Variants in SLC25A48 observed in about 807,000 individuals in gnomAD.
SLC25A48 encodes the protein solute carrier family 25 member 48, also known as CTC-321K16.1.
A neutral mutation model predicts 32.2 loss-of-function variants in SLC25A48; 29 were observed. The ratio of observed to expected loss-of-function variants is 0.90; its 90% CI spans 0.67 to 1.23. The LOEUF (loss-of-function observed/expected upper bound fraction) is 1.23, where lower values mean the gene tolerates loss of function less well. SLC25A48 is among the 50% of genes most tolerant of loss of function. The pLI, the probability that SLC25A48 is intolerant of heterozygous loss-of-function variation, is 0.00. For missense variants in SLC25A48, 399 were observed against 422.7 expected, an observed-to-expected ratio of 0.94 and a Z score of 0.49; for synonymous variants, 164 against 172.3, an observed-to-expected ratio of 0.95 and a Z score of 0.38.
At chr5:135,738,807 T>C (rs1470167196) in intron 3 of SLC25A48, among the ~76,000 whole-genome samples, 1 of 152,164 alleles carries the variant, frequency 6.6e-6, no homozygotes, top group African/African-American at 2.4e-5. Flanking sequence ...GGTGGCCAGG[T>C]GCAGTGGCTC....
chr5:135,673,778 A>G (rs1753707379), intron 3 of SLC25A48, among the ~76,000 whole-genome samples: 1 of 152,066 alleles, frequency 6.6e-6, no homozygotes, highest in African/African-American at 2.4e-5. Flanking sequence ...AATCCTTGCC[A>G]AGTCCAGTCA....
At chr5:135,810,729 C>G (rs559755235) in intron 3 of SLC25A48, among the ~76,000 whole-genome samples, 1 of 152,114 alleles carries the variant, frequency 6.6e-6, no homozygotes, top group African/African-American at 2.4e-5. Context: ...TATTCTCATT[C>G]GAGGCAGGAA....
At chr5:135,595,141 G>A (rs1205547673) in intron 1 of SLC25A48, among the ~76,000 whole-genome samples, 1 of 152,150 alleles carries the variant, frequency 6.6e-6, no homozygotes, top group Non-Finnish European at 1.5e-5. Context: ...AGGCAGGCTG[G>A]TGAACCCAGA....
intron 1 of SLC25A48, among the ~76,000 whole-genome samples, chr5:135,623,972 G>C (rs146031406): frequency 6.6e-6 from 1 of 152,182 alleles, no homozygotes. Flanking sequence ...ACAGCTCTTG[G>C]ATCTCTGTAA....
chr5:135,838,328 T>G (rs1362279110), intron 1 of SLC25A48, among the ~76,000 whole-genome samples: 1 of 152,222 alleles, frequency 6.6e-6, no homozygotes, highest in Non-Finnish European at 1.5e-5. Context: ...TGGTTTGGAA[T>G]TGGAACTTAT....
At chr5:135,745,075 G>T (rs1271685823) in intron 3 of SLC25A48, among the ~76,000 whole-genome samples, 2 of 152,158 alleles carry the variant, frequency 1.3e-5, no homozygotes, top group Admixed American at 1.3e-4. Context: ...CAGTGCTAGA[G>T]GAATTAAGAC....
At chr5:135,746,210 G>A (rs1043875445) in intron 3 of SLC25A48, 2 of 162,936 alleles carry the variant, frequency 1.2e-5, no homozygotes, top group African/African-American at 4.8e-5. Flanking sequence ...GCCTTTTCCA[G>A]GCCTGCGCCT....
intron 1 of SLC25A48, among the ~76,000 whole-genome samples, chr5:135,606,977 C>T (rs1231234264): frequency 2.0e-5 from 3 of 152,176 alleles, no homozygotes; most frequent in African/African-American, 4.8e-5. Context: ...CCTTCTTTAC[C>T]GTGTGTCCTG....
intron 1 of SLC25A48, among the ~76,000 whole-genome samples, chr5:135,835,601 AT>A (rs1328462922): frequency 1.5e-5 from 2 of 136,314 alleles, no homozygotes; most frequent in Non-Finnish European, 3.0e-5. Context: ...TTGCTTCTCC[AT>A]TTTTCTTTCC....
In SLC25A48 at chr5:135,656,679, T is replaced by A. The variant is rs992767142; in HGVS notation, c.-521+21723T>A. Among the ~76,000 whole-genome samples, 4 of 152,036 alleles carry A rather than the reference T, an allele frequency of 2.6e-5. No individual in the cohort carries two copies. In the East Asian group the frequency reaches 7.7e-4, roughly 29 times the overall value. The stretch of plus-strand genomic sequence containing the variant: ...AAATTAAGATGAGGTTATCCTGGAG[T>A]ATGGCAGGCCCTCAATTCTGGTTTC... On this transcript the variant is annotated intron_variant, in intron 3 of 10. Transcript: ENST00000646290.
intron 3 of SLC25A48, 107 bp downstream of exon 3, chr5:135,850,603 C>G (rs1390962987): frequency 6.2e-6 from 6 of 966,754 alleles, no homozygotes; most frequent in Non-Finnish European, 9.6e-6. Context: ...TCTCATCCTG[C>G]TCTTCACACT....
intron 4 of SLC25A48, among the ~76,000 whole-genome samples, chr5:135,818,458 C>A (rs1757793498): frequency 6.6e-6 from 1 of 152,128 alleles, no homozygotes; most frequent in African/African-American, 2.4e-5. Context: ...TCTTTTTATC[C>A]TAATTGCTAA....
intron 7 of SLC25A48, 23 bp from the exon 8 acceptor site, chr5:135,888,009 T>G (rs1241432216): frequency 1.3e-6 from 2 of 1,550,684 alleles, no homozygotes; most frequent in African/African-American, 2.7e-5. Flanking sequence ...CTTCTCTGAG[T>G]CTGGGTTGTT....
At chr5:135,689,627 A>T (rs1482288784) in intron 3 of SLC25A48, among the ~76,000 whole-genome samples, 1 of 152,222 alleles carries the variant, frequency 6.6e-6, no homozygotes, top group Non-Finnish European at 1.5e-5. Flanking sequence ...TGAGGATTGC[A>T]GGTGGTTCTT....
intron 6 of SLC25A48, among the ~76,000 whole-genome samples, chr5:135,874,501 T>C (rs1761899350): frequency 6.6e-6 from 1 of 152,216 alleles, no homozygotes; most frequent in African/African-American, 2.4e-5. Context: ...TCCTCACTCA[T>C]GGCTCAGTGC....
At chr5:135,786,871 A>G (rs1259716877) in intron 3 of SLC25A48, among the ~76,000 whole-genome samples, 2 of 151,430 alleles carry the variant, frequency 1.3e-5, no homozygotes, top group Non-Finnish European at 3.0e-5. Context: ...AGTCTAAGAA[A>G]ATGCTACTCT....
At chr5:135,860,184 C>A (rs1465079798) in intron 4 of SLC25A48, among the ~76,000 whole-genome samples, 1 of 152,204 alleles carries the variant, frequency 6.6e-6, no homozygotes, top group Non-Finnish European at 1.5e-5. Flanking sequence ...GCCCCCACTG[C>A]CATAATTTTC....
intron 3 of SLC25A48, among the ~76,000 whole-genome samples, chr5:135,651,928 C>T (rs1281493387): frequency 1.3e-5 from 2 of 152,222 alleles, no homozygotes; most frequent in Admixed American, 1.3e-4. Context: ...ATGGATCTCT[C>T]TCATAATGGG....
At chr5:135,841,985 T>C (rs1283577352) in intron 1 of SLC25A48, among the ~76,000 whole-genome samples, 1 of 152,236 alleles carries the variant, frequency 6.6e-6, no homozygotes, top group Non-Finnish European at 1.5e-5. Context: ...CCTTCACTCC[T>C]TCGGTTGGTT....
Sources: gnomAD v4.1 joint callset for allele counts (sites outside exome capture counted in the v4.1 genomes callset) on GRCh38, gnomAD v4.1.1 for gene constraint, MANE v1.5 for transcripts, NCBI Gene and HGNC (gene_info 2026-07-23, HGNC 2026-07-21) for gene names.